ZFHX3: variants seen among roughly 807,000 people sequenced by gnomAD.
The protein encoded by ZFHX3 is zinc finger homeobox protein 3.
ZFHX3 carries 42 observed loss-of-function variants against 279.1 expected under a neutral mutation model. The ratio of observed to expected loss-of-function variants is 0.15; its 90% CI spans 0.12 to 0.19. ZFHX3 has a LOEUF of 0.19. Ranked by LOEUF, ZFHX3 falls within the 10% of genes least tolerant of loss-of-function variation. The probability of loss-of-function intolerance (pLI) is 1.00; values close to 1 mark genes in which losing one functional copy is unlikely to be tolerated. For missense variants in ZFHX3, 4,981 were observed against 4,754.0 expected (o/e 1.05, Z -1.40); for synonymous variants, 2,293 against 1,957.8 (o/e 1.17, Z -4.52).
At chr16:73,756,059 C>A (rs1293296878) in intron 1 of ZFHX3, among the ~76,000 whole-genome samples, 1 of 151,682 alleles carries the variant, frequency 6.6e-6, no homozygotes, top group African/African-American at 2.4e-5. Context: ...AGGGTTCCTC[C>A]ATGGCTGACT....
intron 5 of ZFHX3, among the ~76,000 whole-genome samples, chr16:72,822,552 T>C (rs1254144445): frequency 1.3e-5 from 2 of 152,170 alleles, no homozygotes; most frequent in Admixed American, 6.5e-5. Context: ...TAAATAATCA[T>C]GATTATAATA....
Position 73,121,733 on chromosome 16 carries a change from C to T in ZFHX3, c.-897+9235G>A, listed in dbSNP as rs549589922. 9.2e-5 allele frequency among the ~76,000 whole-genome samples: 14 copies of T among 151,672 alleles called. No homozygotes were observed. In the East Asian group the frequency reaches 1.6e-3, roughly 17 times the overall value. On this transcript the variant is annotated intron_variant, in intron 7 of 17. Transcript: ENST00000641206. ...TGGGTTCTCGCCATTCTCCTGCCTC[C>T]GCCTCCCAAGTAGCTGGGACTACAG...
Position 73,769,896 on chromosome 16 carries a change from A to AC in ZFHX3, c.-1607-89657_-1607-89656insG, listed in dbSNP as rs561907550. On this transcript the variant is annotated intron_variant, in intron 1 of 17. Coordinates refer to the ZFHX3 transcript ENST00000641206. ...AACTCTCTCCCCACTGCACAGCTACAGCTCCAAAGGAAAAGATGGCTTAGG... is the reference window on the plus strand; with the variant it reads ...AACTCTCTCCCCACTGCACAGCTACACGCTCCAAAGGAAAAGATGGCTTAGG... Among the ~76,000 whole-genome samples the AC allele has an allele frequency of 1.9e-4, 29 of 152,350 alleles. No homozygotes were observed. In the South Asian group the frequency reaches 5.4e-3, roughly 28 times the overall value.
rs1377852296 is a variant in ZFHX3, at chr16:73,818,333, A to C, written c.-1608+73318T>G. ...GCAATAGGATTTCAGCTTGTATGGAAGTTTGTGGCAAGGTGATTTTCATCA... is the reference window on the plus strand; with the variant it reads ...GCAATAGGATTTCAGCTTGTATGGACGTTTGTGGCAAGGTGATTTTCATCA... On this transcript the variant is annotated intron_variant, in intron 1 of 17. Transcript: ENST00000641206. 2.6e-5 allele frequency among the ~76,000 whole-genome samples: 4 copies of C among 152,302 alleles called. No individual in the cohort carries two copies. The East Asian group carries it at 7.7e-4, about 29-fold the overall frequency.
intron 1 of ZFHX3, among the ~76,000 whole-genome samples, chr16:73,055,738 G>T (rs564651960): frequency 9.9e-6 from 1 of 100,964 alleles, no homozygotes; most frequent in African/African-American, 3.9e-5. Context: ...ACACACACAC[G>T]TCAGGACTGC....
intron 4 of ZFHX3, among the ~76,000 whole-genome samples, chr16:73,309,520 C>T (rs1169294290): frequency 6.6e-6 from 1 of 152,070 alleles, no homozygotes; most frequent in Non-Finnish European, 1.5e-5. Context: ...GTGGAAGGAA[C>T]CCATGAGGGG....
intron 7 of ZFHX3, among the ~76,000 whole-genome samples, chr16:73,128,883 A>G (rs1435774973): frequency 6.6e-6 from 1 of 152,166 alleles, no homozygotes; most frequent in Non-Finnish European, 1.5e-5. Flanking sequence ...CATCTATATA[A>G]CGGGGATGGT....
At chr16:73,330,573 C>A (rs1452217047) in intron 3 of ZFHX3, among the ~76,000 whole-genome samples, 1 of 152,148 alleles carries the variant, frequency 6.6e-6, no homozygotes, top group Non-Finnish European at 1.5e-5. Flanking sequence ...CTTTAAGACA[C>A]AGATGGCCTG....
At chr16:73,181,887 T>C (rs903335550) in intron 5 of ZFHX3, among the ~76,000 whole-genome samples, 1 of 152,158 alleles carries the variant, frequency 6.6e-6, no homozygotes, top group East Asian at 1.9e-4. Context: ...ATGCAAGCCC[T>C]GACTCAGGGT....
chr16:73,416,090 C>T (rs2017570348), intron 3 of ZFHX3, among the ~76,000 whole-genome samples: 1 of 146,966 alleles, frequency 6.8e-6, no homozygotes, highest in Non-Finnish European at 1.5e-5. Context: ...CCATTGCACT[C>T]CAGCCTGGAC....
chr16:73,564,223 G>A (rs2020417540), intron 2 of ZFHX3, among the ~76,000 whole-genome samples: 2 of 152,110 alleles, frequency 1.3e-5, no homozygotes, highest in African/African-American at 4.8e-5. Flanking sequence ...GGAAATAGAC[G>A]GCCACGTATC....
At chr16:73,780,891 G>T (rs945376904) in intron 1 of ZFHX3, among the ~76,000 whole-genome samples, 2 of 152,204 alleles carry the variant, frequency 1.3e-5, no homozygotes, top group Admixed American at 1.3e-4. Flanking sequence ...CTATTCAAAG[G>T]CTGCTTTTTT....
At chr16:72,985,355 A>G (rs1962799234) in intron 1 of ZFHX3, among the ~76,000 whole-genome samples, 1 of 152,210 alleles carries the variant, frequency 6.6e-6, no homozygotes, top group African/African-American at 2.4e-5. Context: ...TCCTAGAACT[A>G]GATGTCCCCA....
chr16:73,862,550 G>A (rs985744636), intron 1 of ZFHX3, among the ~76,000 whole-genome samples: 2 of 152,200 alleles, frequency 1.3e-5, no homozygotes, highest in Non-Finnish European at 2.9e-5. Context: ...TGAGGCAGGA[G>A]GATCCCTTGA....
intron 3 of ZFHX3, among the ~76,000 whole-genome samples, chr16:72,896,160 G>A (rs1191400976): frequency 1.3e-5 from 2 of 152,160 alleles, no homozygotes; most frequent in Non-Finnish European, 1.5e-5. Context: ...TGGAAATTTG[G>A]CACACGTTCG....
chr16:73,793,626 G>A (rs1359375069), intron 1 of ZFHX3, among the ~76,000 whole-genome samples: 1 of 152,156 alleles, frequency 6.6e-6, no homozygotes, highest in African/African-American at 2.4e-5. Flanking sequence ...TCCCTGCCAA[G>A]AGATCTCATT....
chr16:73,295,009 C>A (rs184264955), intron 4 of ZFHX3, among the ~76,000 whole-genome samples: 2 of 152,018 alleles, frequency 1.3e-5, no homozygotes, highest in African/African-American at 4.8e-5. Context: ...GTCAGGAGAT[C>A]GAGACCATCC....
chr16:73,321,388 G>T (rs756449270), intron 3 of ZFHX3, among the ~76,000 whole-genome samples: 4 of 152,138 alleles, frequency 2.6e-5, no homozygotes, highest in Non-Finnish European at 5.9e-5. Context: ...AGCAGTACCT[G>T]ACCTCCTCAG....
intron 2 of ZFHX3, among the ~76,000 whole-genome samples, chr16:73,665,388 A>T (rs1393405475): frequency 6.6e-6 from 1 of 151,576 alleles, no homozygotes; most frequent in East Asian, 2.0e-4. Context: ...TAATTTTTGT[A>T]TTTTTAGTAG....
Sources: gnomAD v4.1 joint callset for allele counts (sites outside exome capture counted in the v4.1 genomes callset) on GRCh38, gnomAD v4.1.1 for gene constraint, MANE v1.5 for transcripts, NCBI Gene and HGNC (gene_info 2026-07-23, HGNC 2026-07-21) for gene names.